FGF13: variants seen among roughly 807,000 people sequenced by gnomAD.
FGF13 encodes the protein fibroblast growth factor 13, also known as fibroblast growth factor homologous factor 2.
A neutral mutation model predicts 19.5 loss-of-function variants in FGF13; 2 were observed. That is an observed-to-expected ratio of 0.10 (90% CI 0.04 to 0.32). FGF13 has a LOEUF of 0.32. Among genes scored for constraint, FGF13 ranks in the 10% least tolerant of loss-of-function variants. The pLI, the probability that FGF13 is intolerant of heterozygous loss-of-function variation, is 1.00. For synonymous variants in FGF13, 72 were observed against 76.9 expected (o/e 0.94, Z 0.33); for missense variants, 113 against 192.7 (o/e 0.59, Z 2.45).
intron 1 of FGF13, among the ~76,000 whole-genome samples, chrX:138,929,861 TG>T (rs1246027367): frequency 1.2e-4 from 2 of 16,227 alleles, no homozygotes; most frequent in Non-Finnish European, 3.1e-4. Flanking sequence ...TAGCTGTGTG[TG>T]TGTGTGTGTG....
At chrX:138,908,129 G>T (rs1457666026) in intron 1 of FGF13, among the ~76,000 whole-genome samples, 1 of 52,872 alleles carries the variant, frequency 1.9e-5, no homozygotes, top group African/African-American at 5.8e-5. Flanking sequence ...GGACTGCAGT[G>T]GCGCTATCTC....
At position 138,711,111 on chromosome X, in the gene FGF13, G is replaced by T; in HGVS notation, c.-108C>A. 8.7e-7 allele frequency: 1 copy of T among 1,144,032 alleles called. No individual in the cohort carries two copies. Among genetic ancestry groups the T allele is most frequent in the Non-Finnish European group, 1.2e-6 (1 of 866,661 alleles). 94.3% of individuals were successfully genotyped at this position (1,144,032 alleles called of 1,213,427 possible). A position where few individuals can be genotyped will look rare whatever the true frequency, so the allele number is the denominator to read the frequency against. Reference sequence around the variant, plus strand: ...GCTGTCTCGCGACTTCGCCGCTTTGGTCTCCTTAGCCTGCGTTTGCCCGGG... The same window carrying T: ...GCTGTCTCGCGACTTCGCCGCTTTGTTCTCCTTAGCCTGCGTTTGCCCGGG... On this transcript the variant is annotated 5_prime_UTR_variant, in exon 1 of 5. Transcript: ENST00000315930.
At chrX:138,795,646 T>A (rs991602880) in intron 3 of FGF13, among the ~76,000 whole-genome samples, 1 of 111,824 alleles carries the variant, frequency 8.9e-6, no homozygotes, top group African/African-American at 3.3e-5. Flanking sequence ...AAGTAATAAA[T>A]ATAATTACAT....
rs746331030 is a variant in FGF13 at position 138,632,166 on chromosome X, C to T, written c.*684G>A. The T allele has an allele frequency of 3.7e-5, 4 of 107,167 alleles. No homozygotes were observed. The East Asian group carries it at 8.8e-4, about 24-fold the overall frequency. 8.8% of individuals were successfully genotyped at this position (107,167 alleles called of 1,213,427 possible). A position where few individuals can be genotyped will look rare whatever the true frequency, so the allele number is the denominator to read the frequency against. On this transcript the variant is annotated 3_prime_UTR_variant, in exon 5 of 5. Coordinates refer to ENST00000315930, the MANE Select transcript of FGF13 (RefSeq NM_004114.5). ...ACAGCACAATAACTTGACCAGAATA[C>T]CACAAATCTAAAAAAAAAAAAAAAG...
chrX:138,775,814 C>A (rs1459855555), intron 3 of FGF13, among the ~76,000 whole-genome samples: 1 of 112,692 alleles, frequency 8.9e-6, no homozygotes, highest in African/African-American at 3.2e-5. Context: ...CAGCTGACTG[C>A]CCATATTAAC....
intron 1 of FGF13, among the ~76,000 whole-genome samples, chrX:139,173,869 CAT>C (rs1223204223): frequency 8.9e-6 from 1 of 111,743 alleles, no homozygotes; most frequent in Admixed American, 9.5e-5. Flanking sequence ...CATCCGTGTG[CAT>C]GTGTCTTTAT....
chrX:138,679,796 A>T (rs914239739), intron 3 of FGF13, among the ~76,000 whole-genome samples: 1 of 111,788 alleles, frequency 8.9e-6, no homozygotes, highest in African/African-American at 3.3e-5. Flanking sequence ...GGTCAGGATG[A>T]TTCTGGCAAT....
At chrX:138,996,204 G>A (rs977998017) in intron 1 of FGF13, among the ~76,000 whole-genome samples, 12 of 112,311 alleles carry the variant, frequency 1.1e-4, no homozygotes, top group Admixed American at 1.9e-4. Flanking sequence ...ACCCACAGAG[G>A]GCAAGCCGAT....
intron 1 of FGF13, among the ~76,000 whole-genome samples, chrX:139,138,030 T>A (rs1339774207): frequency 8.9e-6 from 1 of 112,383 alleles, no homozygotes; most frequent in African/African-American, 3.2e-5. Context: ...CCTTTGTCAA[T>A]GCAAAGTTGA....
At chrX:138,720,785 C>T (rs1255332973) in intron 1 of FGF13, among the ~76,000 whole-genome samples, 1 of 111,399 alleles carries the variant, frequency 9.0e-6, no homozygotes, top group Non-Finnish European at 1.9e-5. Context: ...AGACTTCAAA[C>T]CTGGATTTCA....
At chrX:139,148,619 A>AT (rs1285929211) in intron 1 of FGF13, among the ~76,000 whole-genome samples, 5 of 109,887 alleles carry the variant, frequency 4.6e-5, no homozygotes, top group African/African-American at 1.6e-4. Context: ...AAAAAAAAAA[A>AT]AAAAAGGAAA....
rs758672273 is a variant in FGF13 at position 139,158,422 on chromosome X, G to C, written c.-113+44994C>G. Reference sequence around the variant, plus strand: ...AGACCTGGGACACTCCAGCTTGGTGGGGGGAGGGGCATCATACATTACTGA... The same window carrying C: ...AGACCTGGGACACTCCAGCTTGGTGCGGGGAGGGGCATCATACATTACTGA... On this transcript the variant is annotated intron_variant, in intron 1 of 2. Transcript: ENST00000421460. 1.6e-4 allele frequency among the ~76,000 whole-genome samples: 18 copies of C among 110,295 alleles called. No homozygotes were observed. The East Asian group carries it at 5.2e-3, about 32-fold the overall frequency.
At chrX:139,054,698 A>G (rs1461198729) in intron 1 of FGF13, among the ~76,000 whole-genome samples, 1 of 111,920 alleles carries the variant, frequency 8.9e-6, no homozygotes, top group Non-Finnish European at 1.9e-5. Context: ...GATTCTACCC[A>G]TTTATGAGAA....
intron 1 of FGF13, among the ~76,000 whole-genome samples, chrX:139,078,231 CA>C (rs2083345216): frequency 9.2e-6 from 1 of 109,245 alleles, no homozygotes; most frequent in Admixed American, 1.0e-4. Flanking sequence ...TGAAATAACC[CA>C]TCCATGTGAA....
upstream of FGF13, chrX:139,204,257 C>A: frequency 2.1e-6 from 1 of 486,853 alleles, no homozygotes; most frequent in Non-Finnish European, 3.5e-6. Context: ...CCACCGCTGC[C>A]GCCGCCGCCG....
rs2089031947 is a variant in FGF13 at position 138,623,637 on chromosome X, C to T, written c.*9213G>A. ...ACTAAAAATACAAAAATTAGCCAGG[C>T]ATGGTGGTAGGCGCCTATAATCCCA... On this transcript the variant is annotated 3_prime_UTR_variant, in exon 5 of 5. Transcript: ENST00000315930. The T allele has an allele frequency of 9.1e-6, 1 of 109,996 alleles. No individual in the cohort carries two copies. The highest frequency in any genetic ancestry group is 3.3e-5 in the African/African-American group (1 of 30,165). 9.1% of individuals were successfully genotyped at this position (109,996 alleles called of 1,213,427 possible). A position where few individuals can be genotyped will look rare whatever the true frequency, so the allele number is the denominator to read the frequency against.
At chrX:139,177,435 T>C in intron 1 of FGF13, among the ~76,000 whole-genome samples, 1 of 110,834 alleles carries the variant, frequency 9.0e-6, no homozygotes, top group Non-Finnish European at 1.9e-5. Context: ...AAGGTTAATA[T>C]TGTTATGTGT....
intron 3 of FGF13, among the ~76,000 whole-genome samples, chrX:138,786,037 G>A (rs768504802): frequency 1.8e-5 from 2 of 111,762 alleles, no homozygotes; most frequent in Non-Finnish European, 1.9e-5. Context: ...TTTGTCAGTC[G>A]CTACTATTAC....
At chrX:138,893,639 G>GA (rs1276858892) in intron 1 of FGF13, among the ~76,000 whole-genome samples, 94 of 107,543 alleles carry the variant, frequency 8.7e-4, no homozygotes, top group Middle Eastern at 4.7e-3. Flanking sequence ...TAAGGGTAAG[G>GA]AAAAAAAAAC....
Sources: allele counts gnomAD v4.1 joint callset (sites outside exome capture counted in the v4.1 genomes callset), GRCh38; gene constraint gnomAD v4.1.1; transcripts MANE v1.5; gene names NCBI Gene and HGNC (gene_info 2026-07-23, HGNC 2026-07-21).